NAV2: variants seen among roughly 807,000 people sequenced by gnomAD.
NAV2 encodes neuron navigator 2, also known as helicase, APC down-regulated 1.
NAV2 carries 54 observed loss-of-function variants against 223.2 expected under a neutral mutation model. The ratio of observed to expected loss-of-function variants is 0.24; its 90% CI spans 0.19 to 0.30. NAV2 has a LOEUF of 0.30. Ranked by LOEUF, NAV2 falls within the 10% of genes least tolerant of loss-of-function variation. NAV2 has a pLI of 1.00. For synonymous variants in NAV2, 1,279 were observed against 1,239.3 expected, an observed-to-expected ratio of 1.03 and a Z score of -0.67; for missense variants, 2,806 against 3,147.5, an observed-to-expected ratio of 0.89 and a Z score of 2.60.
At chr11:19,937,769 T>C (rs2046040359) in intron 7 of NAV2, among the ~76,000 whole-genome samples, 2 of 152,238 alleles carry the variant, frequency 1.3e-5, no homozygotes, top group Non-Finnish European at 2.9e-5. Context: ...CTTCTTGCGT[T>C]GCCTGTGTAG....
intron 1 of NAV2, among the ~76,000 whole-genome samples, chr11:19,772,841 C>T (rs763896622): frequency 6.6e-6 from 1 of 152,174 alleles, no homozygotes; most frequent in Non-Finnish European, 1.5e-5. Flanking sequence ...TCCCATTAGT[C>T]ATTGCTTTGG....
At chr11:19,446,992 A>T (rs553322953) in intron 1 of NAV2, among the ~76,000 whole-genome samples, 11 of 152,296 alleles carry the variant, frequency 7.2e-5, no homozygotes, top group African/African-American at 2.6e-4. Context: ...GGAAAAGAAC[A>T]TTGCATGAGG....
chr11:19,437,494 G>A (rs1344267211), intron 1 of NAV2, among the ~76,000 whole-genome samples: 1 of 151,828 alleles, frequency 6.6e-6, no homozygotes, highest in Non-Finnish European at 1.5e-5. Context: ...CTGTCCTCTT[G>A]TCTTTCTTTG....
At chr11:19,346,834 A>T (rs578241435), upstream of NAV2, among the ~76,000 whole-genome samples, 1 of 152,272 alleles carries the variant, frequency 6.6e-6, no homozygotes, top group African/African-American at 2.4e-5. Flanking sequence ...TATGTAACTT[A>T]TTTATTGATT....
chr11:19,768,418 T>C (rs934181990), intron 1 of NAV2, among the ~76,000 whole-genome samples: 1 of 152,024 alleles, frequency 6.6e-6, no homozygotes, highest in Admixed American at 6.6e-5. Context: ...AAGTAGCCGA[T>C]AAGGGCTTCT....
intron 1 of NAV2, among the ~76,000 whole-genome samples, chr11:19,741,576 C>T (rs910404289): frequency 1.4e-5 from 2 of 147,796 alleles, no homozygotes; most frequent in Non-Finnish European, 3.0e-5. Flanking sequence ...GCTTATTTCA[C>T]TTAGCCTAAT....
At chr11:19,571,820 CTTA>C (rs1172231152) in intron 1 of NAV2, among the ~76,000 whole-genome samples, 2 of 152,150 alleles carry the variant, frequency 1.3e-5, no homozygotes, top group East Asian at 1.9e-4. Context: ...TTTACTATTA[CTTA>C]TTATGACTAT....
intron 1 of NAV2, among the ~76,000 whole-genome samples, chr11:19,612,930 G>T (rs1054705691): frequency 6.6e-6 from 1 of 152,312 alleles, no homozygotes; most frequent in East Asian, 1.9e-4. Context: ...ACCTGAAACT[G>T]GGAAGAAAAA....
In NAV2 at chr11:20,103,718, A is replaced by G; in HGVS notation, c.6638A>G (p.Asn2213Ser). 6.2e-7 allele frequency: 1 copy of G among 1,614,060 alleles called. No individual in the cohort carries two copies. Among genetic ancestry groups the G allele is most frequent in the Non-Finnish European group, 8.5e-7 (1 of 1,179,908 alleles). Residue 2213 changes from asparagine (N) to serine (S), a missense_variant, in exon 34 of 38, where the codon AAC (asparagine) becomes AGC (serine). Asn to Ser is a conservative substitution (Grantham distance 46, BLOSUM62 1). Around this residue, in one of 4 missense-constraint regions of NAV2, gnomAD observed 824 missense variants for 1,069.4 expected, o/e 0.77. Transcript: ENST00000349880. ...ACTCCCAACCTGCAGCTTCACCATA[A>G]CTTCAGGTCAGTTTTCCCTTCCCTT... ...SSTPNLQLHH[N>S]FRWVLCANHT...
chr11:19,670,045 G>A (rs1435777778), intron 1 of NAV2, among the ~76,000 whole-genome samples: 1 of 152,152 alleles, frequency 6.6e-6, no homozygotes, highest in Non-Finnish European at 1.5e-5. Flanking sequence ...CTAACTCATG[G>A]ACTCCGGCCT....
chr11:19,776,668 G>GTGTGTGTGTGTGTGTC lies in NAV2; in HGVS notation c.268-55808_268-55807insTGTGTGTCTGTGTGTG, dbSNP rs1170413542. 6.5e-4 allele frequency among the ~76,000 whole-genome samples: 98 copies of GTGTGTGTGTGTGTGTC among 150,168 alleles called. 1 individual carries two copies. The highest frequency in any genetic ancestry group is 2.3e-3 in the African/African-American group (91 of 40,364). ...TGTGTGTGTGTGTGTGTGTGTGTGT[G>GTGTGTGTGTGTGTGTC]TGTGTGTGGTTAGAGTTGTGGGGGT... On this transcript the variant is annotated intron_variant, in intron 1 of 37. Transcript: ENST00000349880.
chr11:19,355,265 T>A lies in NAV2; in HGVS notation c.75+4238T>A, dbSNP rs1053952474. 4.8e-4 allele frequency among the ~76,000 whole-genome samples: 73 copies of A among 152,058 alleles called. 1 individual carries two copies. The highest frequency in any genetic ancestry group is 1.7e-3 in the African/African-American group (70 of 41,502). The stretch of plus-strand genomic sequence containing the variant: ...AATTGTTGGTTGTTTTTTTTTTTTT[T>A]TTTAAAGATGCTTGATGATTGAGTA... On this transcript the variant is annotated intron_variant, in intron 1 of 37. Transcript: ENST00000360655.
At chr11:19,513,446 T>A (rs10500850) in intron 1 of NAV2, among the ~76,000 whole-genome samples, 1 of 152,010 alleles carries the variant, frequency 6.6e-6, no homozygotes, top group African/African-American at 2.4e-5. Context: ...CCTTTCATTG[T>A]GCATCAGCAG....
intron 4 of NAV2, among the ~76,000 whole-genome samples, chr11:19,869,256 C>T (rs1315485702): frequency 6.6e-6 from 1 of 152,178 alleles, no homozygotes; most frequent in Non-Finnish European, 1.5e-5. Context: ...TTGAGAAAGA[C>T]TTGCTTAAAC....
At chr11:19,420,880 GTTATGCTTCAA>G (rs1410278860) in intron 1 of NAV2, among the ~76,000 whole-genome samples, 3 of 152,164 alleles carry the variant, frequency 2.0e-5, no homozygotes, top group Non-Finnish European at 4.4e-5. Flanking sequence ...CCTGTCTTCT[GTTATGCTTCAA>G]TTAAAAGCTA....
At chr11:19,350,873 T>C (rs1301802924) in exon 1 of NAV2, 12 of 1,408,506 alleles carry the variant, frequency 8.5e-6, no homozygotes, top group Non-Finnish European at 4.9e-6. Context: ...GTTGCATGCA[T>C]CACTTTTGTG....
At chr11:19,752,508 A>C (rs1211230492) in intron 1 of NAV2, among the ~76,000 whole-genome samples, 1 of 152,192 alleles carries the variant, frequency 6.6e-6, no homozygotes, top group African/African-American at 2.4e-5. Flanking sequence ...TGAGATAAAA[A>C]TTGTGAATAT....
chr11:19,519,920 C>T (rs1426124186), intron 1 of NAV2: 1 of 152,226 alleles, frequency 6.6e-6, no homozygotes, highest in Non-Finnish European at 1.5e-5. Context: ...GAGAATTCAG[C>T]TGCAGCATGA....
At chr11:19,366,604 C>T (rs561199310) in intron 1 of NAV2, among the ~76,000 whole-genome samples, 1 of 152,260 alleles carries the variant, frequency 6.6e-6, no homozygotes, top group South Asian at 2.1e-4. Context: ...AGAGCTGGGT[C>T]TGGAATTAAA....
Sources: gnomAD v4.1 joint callset for allele counts (sites outside exome capture counted in the v4.1 genomes callset) on GRCh38, gnomAD v4.1.1 for gene constraint, gnomAD v4.1.1 regional missense constraint, MANE v1.5 for transcripts, NCBI Gene and HGNC (gene_info 2026-07-23, HGNC 2026-07-21) for gene names.